CEP131: variants seen among roughly 807,000 people sequenced by gnomAD.
The protein encoded by CEP131 is centrosomal protein of 131 kDa.
A neutral mutation model predicts 136.8 loss-of-function variants in CEP131; 99 were observed. That is an observed-to-expected ratio of 0.72 (90% CI 0.62 to 0.86). CEP131 has a LOEUF of 0.86. Among genes scored for constraint, CEP131 ranks in the 40% least tolerant of loss-of-function variants. The probability of loss-of-function intolerance (pLI) is 0.00; values close to 1 mark genes in which losing one functional copy is unlikely to be tolerated. For synonymous variants in CEP131, 646 were observed against 612.7 expected, an observed-to-expected ratio of 1.05 and a Z score of -0.80; for missense variants, 1,459 against 1,463.0, an observed-to-expected ratio of 1.00 and a Z score of 0.04.
chr17:81,221,272 G>C (rs1469512104), intron 1 of CEP131, among the ~76,000 whole-genome samples: 1 of 152,072 alleles, frequency 6.6e-6, no homozygotes, highest in Non-Finnish European at 1.5e-5. Flanking sequence ...GATCGATCGA[G>C]GGGATTAGCT....
Position 81,190,772 on chromosome 17 carries a change from T to G in CEP131, c.2974A>C (p.Asn992His). The change falls in exon 24 of 26, where the codon AAC becomes CAC. Residue 992 changes from asparagine (N) to histidine (H), a missense_variant. Coordinates refer to ENST00000450824, the MANE Select transcript of CEP131 (RefSeq NM_014984.4). ...TCCTGGCGGATCACCTGGGCCAGGT[T>G]GCTGCGCTCGCTAGAAAGCTGCTCG... is the stretch of plus-strand genomic sequence containing the variant. ...VNEQLSSERS[N>H]LAQVIRQEFE... 3.1e-6 allele frequency: 5 copies of G among 1,611,646 alleles called. No individual in the cohort carries two copies. Among genetic ancestry groups the G allele is most frequent in the Non-Finnish European group, 4.2e-6 (5 of 1,179,352 alleles).
intron 15 of CEP131, among the ~76,000 whole-genome samples, 156 bp from the exon 16 acceptor site, chr17:81,196,107 G>C (rs1015675385): frequency 1.3e-5 from 2 of 152,180 alleles, no homozygotes; most frequent in South Asian, 2.1e-4. Context: ...GGGCCAGTGG[G>C]GGGGCACGTG....
chr17:81,189,674 T>G lies in CEP131; in HGVS notation c.*95A>C. On this transcript the variant is annotated 3_prime_UTR_variant, in exon 26 of 26. Transcript: ENST00000450824. ...TGGGCATCTCAACCACCAGCCTCTG[T>G]GGGGGGCAGGTGGGCGTCCCTGTGG... The G allele has an allele frequency of 7.7e-7, 1 of 1,300,636 alleles. No individual in the cohort carries two copies. Among genetic ancestry groups the G allele is most frequent in the Non-Finnish European group, 1.1e-6 (1 of 951,584 alleles). The allele number at this position is 1,300,636 out of a possible 1,614,324, so 80.6% of individuals were successfully genotyped here.
chr17:81,199,042 C>A, intron 10 of CEP131, 71 bp from the exon 11 acceptor site: 1 of 1,379,630 alleles, frequency 7.2e-7, no homozygotes, highest in Non-Finnish European at 9.6e-7. Context: ...GAGGCACCCC[C>A]GGGAAGGAGC....
chr17:81,220,165 A>T, intron 1 of CEP131, 92 bp from the exon 2 acceptor site: 1 of 1,127,428 alleles, frequency 8.9e-7, no homozygotes, highest in South Asian at 2.6e-5. Context: ...AGCTGGGTCC[A>T]CTGGCCACCA....
In CEP131 at chr17:81,208,829, TG is replaced by T; in HGVS notation, c.272+98del. On this transcript the variant is annotated intron_variant, in intron 3 of 25. Coordinates refer to ENST00000450824, the MANE Select transcript of CEP131 (RefSeq NM_014984.4). This position sits in a 1 kb window ranked among gnomAD's most constrained non-coding sequence, Gnocchi z 5.6. The stretch of plus-strand genomic sequence containing the variant: ...AGCAAGGGCCCGGGACCCAGGAGGC[TG>T]GAGGAAGGGCAGAGCAGAGGCAGGG... 1 of 943,724 alleles carries T rather than the reference TG, an allele frequency of 1.1e-6. No homozygotes were observed. Among genetic ancestry groups the T allele is most frequent in the Non-Finnish European group, 1.6e-6 (1 of 614,212 alleles). 58.5% of individuals were successfully genotyped at this position (943,724 alleles called of 1,614,324 possible).
At chr17:81,191,595 C>A (rs572011478) in intron 21 of CEP131, among the ~76,000 whole-genome samples, 1 of 152,274 alleles carries the variant, frequency 6.6e-6, no homozygotes, top group South Asian at 2.1e-4. Context: ...CAACCTGAGG[C>A]CACCTTCTGC....
chr17:81,195,811 G>C (rs573960210), intron 16 of CEP131, 24 bp downstream of exon 16: 4 of 1,590,112 alleles, frequency 2.5e-6, no homozygotes, highest in African/African-American at 1.3e-5. Flanking sequence ...TTGGGACGCC[G>C]TGCAGTAGGG....
rs1336861726 is a variant in CEP131, at chr17:81,192,488, C to G, written c.2535G>C (p.Glu845Asp). The G allele has an allele frequency of 6.2e-7, 1 of 1,611,846 alleles. No homozygotes were observed. Among genetic ancestry groups the G allele is most frequent in the Admixed American group, 1.7e-5 (1 of 59,976 alleles). Residue 845 changes from glutamate to aspartate, a missense_variant, in exon 20 of 26, where the codon GAG becomes GAC. Physicochemically the swap from Glu to Asp is conservative, Grantham distance 45. Around this residue, in one of 3 missense-constraint regions of CEP131, gnomAD observed 1,026 missense variants for 964.2 expected, o/e 1.06. Transcript: ENST00000450824. ...TCCGGTGGTAGACCTGGTGCCGGCG[C>G]TCCTGCTCCTCCCTGCCCTTCTCAA... ...AEFEKGREEQ[E>D]RRHQMELNTL...
At position 81,197,966 on chromosome 17, in the gene CEP131, C is replaced by A. The variant is rs1047838338; in HGVS notation, c.1471-78G>T. ...GGTTCCCCAAAGGCAGAGGTGGCAG[C>A]TGAGGCTGGGCTCTGGGAGGGAGGG... On this transcript the variant is annotated intron_variant, in intron 12 of 25. Coordinates refer to ENST00000450824, the MANE Select transcript of CEP131 (RefSeq NM_014984.4). 40 of 1,549,256 alleles carry A rather than the reference C, an allele frequency of 2.6e-5. No individual in the cohort carries two copies. In the South Asian group the frequency reaches 4.5e-4, roughly 17 times the overall value.
Position 81,190,647 on chromosome 17 carries a change from C to T in CEP131, c.3099G>A (p.Val1033=), listed in dbSNP as rs766797351. The T allele has an allele frequency of 1.0e-5, 16 of 1,589,296 alleles. No individual in the cohort carries two copies. Among genetic ancestry groups the T allele is most frequent in the South Asian group, 2.2e-5 (2 of 89,258 alleles). ...QARQQLELEE[V]HRRVKTALAR... The stretch of plus-strand genomic sequence containing the variant: ...CAGCCCCCGCCGCCCACCTCCGGTG[C>T]ACCTCCTCCAGCTCCAGCTGCTGGC... The change falls in exon 24 of 26, where the codon GTG becomes GTA. Residue 1033 remains valine (V), a synonymous_variant. Transcript: ENST00000450824.
In CEP131 at chr17:81,198,229, C is replaced by T; in HGVS notation, c.1356G>A (p.Lys452=). The T allele has an allele frequency of 6.2e-7, 1 of 1,601,704 alleles. No homozygotes were observed. ...GCAGCTCCTCCAGTGGCCCCCTGGA[C>T]TTGGCGCTCCCCCTGCTCGGGGCCA... The part of the protein sequence containing the change: ...EMMAPSRGSA[K]SRGPLEELLH... The change falls in exon 12 of 26, where the codon AAG becomes AAA. Residue 452 remains lysine, a synonymous_variant. Coordinates refer to ENST00000450824, the MANE Select transcript of CEP131 (RefSeq NM_014984.4).
In CEP131 at chr17:81,192,532, G is replaced by C. The variant is rs780751117; in HGVS notation, c.2491C>G (p.Arg831Gly). 4.3e-6 allele frequency: 7 copies of C among 1,610,586 alleles called. No individual in the cohort carries two copies. In the African/African-American group the frequency reaches 6.7e-5, roughly 15 times the overall value. The change falls in exon 20 of 26, where the codon CGA (arginine) becomes GGA (glycine). Residue 831 changes from arginine (R) to glycine (G), a missense_variant. Transcript: ENST00000450824. ...QLEESSSALT[R>G]ALRAEFEKGR... ...TTCTCAAACTCAGCCCTCAGGGCTC[G>C]GGTCAGTGCAGAGCTGCTCTCCTCC... is the stretch of plus-strand genomic sequence containing the variant.
At chr17:81,193,340 G>A (rs2061684924) in intron 18 of CEP131, among the ~76,000 whole-genome samples, 1 of 152,216 alleles carries the variant, frequency 6.6e-6, no homozygotes, top group African/African-American at 2.4e-5. Context: ...GCTGCATCTG[G>A]GGAGGACCAG....
intron 24 of CEP131, 39 bp from the exon 25 acceptor site, chr17:81,190,014 C>T (rs536581191): frequency 6.9e-5 from 107 of 1,555,498 alleles, no homozygotes; most frequent in South Asian, 5.4e-4. Flanking sequence ...GTGGCCCCCG[C>T]CCCATGTCCC....
rs770155704 is a variant in CEP131, at chr17:81,196,864, G to A, written c.1774-38C>T. On this transcript the variant is annotated intron_variant, in intron 14 of 25. Coordinates refer to ENST00000450824, the MANE Select transcript of CEP131 (RefSeq NM_014984.4). ...GGCAGAGGAGGGAAGCGCTAGGACC[G>A]GTGGGCCTGGCCTCAGCAGGTAGGA... The A allele has an allele frequency of 3.6e-5, 58 of 1,601,356 alleles. 1 individual carries two copies. The South Asian group carries it at 4.4e-4, about 12-fold the overall frequency.
At chr17:81,214,886 C>A (rs2062212007) in intron 2 of CEP131, among the ~76,000 whole-genome samples, 1 of 152,030 alleles carries the variant, frequency 6.6e-6, no homozygotes, top group African/African-American at 2.4e-5. Flanking sequence ...CATTCTCCTG[C>A]CTCAGCCTCC....
At chr17:81,220,982 G>C (rs1047910642) in intron 1 of CEP131, among the ~76,000 whole-genome samples, 2 of 151,778 alleles carry the variant, frequency 1.3e-5, no homozygotes, top group Admixed American at 1.3e-4. Flanking sequence ...AAAATTAGCC[G>C]GGCGTGGTGG....
chr17:81,191,483 C>T (rs1567845800), intron 21 of CEP131, 148 bp from the exon 22 acceptor site: 2 of 705,196 alleles, frequency 2.8e-6, no homozygotes, highest in African/African-American at 3.5e-5. Flanking sequence ...TCCAGGGGTG[C>T]GCTACGTCCT....
Sources: gnomAD v4.1 joint callset for allele counts (sites outside exome capture counted in the v4.1 genomes callset) on GRCh38, gnomAD v4.1.1 for gene constraint, gnomAD v4.1.1 regional missense constraint, Gnocchi (gnomAD v3.1) non-coding constraint, MANE v1.5 for transcripts, NCBI Gene and HGNC (gene_info 2026-07-23, HGNC 2026-07-21) for gene names.